The following DOCK2 variants were observed in gnomAD, a reference collection of about 807,000 sequenced individuals.
DOCK2 encodes dedicator of cytokinesis protein 2.
Under a neutral mutation model 248.9 loss-of-function variants are expected in DOCK2, and 87 were observed. The observed-to-expected ratio is 0.35, with a 90% CI of 0.29 to 0.42. DOCK2 has a LOEUF of 0.42. Among genes scored for constraint, DOCK2 ranks in the 10% least tolerant of loss-of-function variants. The pLI is 1.00. For synonymous variants in DOCK2, 805 were observed against 821.6 expected (o/e 0.98, Z 0.35); for missense variants, 1,747 against 2,300.2 (o/e 0.76, Z 4.92).
intron 27 of DOCK2, among the ~76,000 whole-genome samples, chr5:169,957,004 G>A (rs1279192177): frequency 6.6e-6 from 1 of 151,854 alleles, no homozygotes; most frequent in African/African-American, 2.4e-5. Flanking sequence ...CAATACAATG[G>A]TATCATTGTT....
Position 170,080,178 on chromosome 5 carries a change from G to A in DOCK2, c.5182G>A (p.Glu1728Lys). Residue 1728 changes from glutamate to lysine, a missense_variant, in exon 50 of 52, where the codon GAG (glutamate) becomes AAG (lysine). Coordinates refer to ENST00000520908, the MANE Select transcript of DOCK2 (RefSeq NM_004946.3). Reference sequence around the variant, plus strand: ...ATTCCTCCAGCTTTCCAGGAAGCATGAGTTCATGAGTGACACCAACCTCTC... The same window carrying A: ...ATTCCTCCAGCTTTCCAGGAAGCATAAGTTCATGAGTGACACCAACCTCTC... Reference protein sequence around the residue: ...SDLKRLSRKHEFMSDTNLSEH... With the variant: ...SDLKRLSRKHKFMSDTNLSEH... The A allele has an allele frequency of 6.2e-7, 1 of 1,614,090 alleles. No homozygotes were observed. Among genetic ancestry groups the A allele is most frequent in the African/African-American group, 1.3e-5 (1 of 75,020 alleles).
At chr5:169,723,684 C>T (rs73799364) in intron 22 of DOCK2, among the ~76,000 whole-genome samples, 3,426 of 152,238 alleles carry the variant, frequency 0.023, 146 homozygotes, top group African/African-American at 0.08. Context: ...ACTCCCTCAC[C>T]ATTTTTATAT....
At chr5:169,723,902 T>C (rs1277932585) in intron 22 of DOCK2, among the ~76,000 whole-genome samples, 1 of 152,204 alleles carries the variant, frequency 6.6e-6, no homozygotes, top group Non-Finnish European at 1.5e-5. Flanking sequence ...TTTTGTACTC[T>C]GTGGTACACT....
intron 27 of DOCK2, among the ~76,000 whole-genome samples, chr5:169,881,841 C>T (rs1246835971): frequency 2.0e-5 from 3 of 152,202 alleles, no homozygotes; most frequent in Non-Finnish European, 4.4e-5. Context: ...TGACTTCTCT[C>T]TCCTACTGTT....
At chr5:169,928,750 G>A (rs1342987216) in intron 27 of DOCK2, among the ~76,000 whole-genome samples, 1 of 152,200 alleles carries the variant, frequency 6.6e-6, no homozygotes, top group Non-Finnish European at 1.5e-5. Flanking sequence ...AGTTATACAG[G>A]AATGAGTGGG....
At chr5:169,978,330 C>A (rs1214052621) in intron 27 of DOCK2, among the ~76,000 whole-genome samples, 1 of 136,122 alleles carries the variant, frequency 7.3e-6, no homozygotes, top group Non-Finnish European at 1.5e-5. Flanking sequence ...AACTGGTAGC[C>A]TTTCCCTCAG....
intron 25 of DOCK2, among the ~76,000 whole-genome samples, chr5:169,770,037 C>G (rs752279761): frequency 1.3e-5 from 2 of 152,146 alleles, no homozygotes; most frequent in Non-Finnish European, 2.9e-5. Flanking sequence ...GCCAGTGTCC[C>G]TTTAAGAAAA....
At chr5:170,074,016 G>C (rs1757762281) in intron 46 of DOCK2, among the ~76,000 whole-genome samples, 2 of 151,854 alleles carry the variant, frequency 1.3e-5, no homozygotes. Context: ...CTAATATCTT[G>C]AGATGGATGC....
At chr5:169,865,766 A>G (rs1194154289) in intron 27 of DOCK2, among the ~76,000 whole-genome samples, 2 of 152,220 alleles carry the variant, frequency 1.3e-5, no homozygotes, top group African/African-American at 2.4e-5. Flanking sequence ...GAAATGTTGC[A>G]TCTGGGAGAC....
chr5:169,804,396 G>A (rs1272123150), intron 26 of DOCK2, among the ~76,000 whole-genome samples: 4 of 151,070 alleles, frequency 2.6e-5, no homozygotes, highest in African/African-American at 9.8e-5. Flanking sequence ...AATATATAAC[G>A]ACTAAAATCT....
intron 32 of DOCK2, among the ~76,000 whole-genome samples, chr5:170,009,604 G>A (rs931946930): frequency 6.6e-6 from 1 of 152,124 alleles, no homozygotes; most frequent in Non-Finnish European, 1.5e-5. Flanking sequence ...AAATTGCTCT[G>A]CCCTGGGTGT....
At chr5:169,746,897 G>C (rs1408417751) in intron 22 of DOCK2, among the ~76,000 whole-genome samples, 1 of 151,932 alleles carries the variant, frequency 6.6e-6, no homozygotes, top group Admixed American at 6.5e-5. Flanking sequence ...AAGGCTTAAG[G>C]TAATAAGTTA....
chr5:169,959,994 T>G (rs552519805), intron 27 of DOCK2, among the ~76,000 whole-genome samples: 1 of 152,342 alleles, frequency 6.6e-6, no homozygotes, highest in Admixed American at 6.5e-5. Flanking sequence ...AATTCGACCA[T>G]GTAAAGCTAG....
At chr5:170,077,880 C>T (rs976634725) in intron 48 of DOCK2, 43 bp downstream of exon 48, 12 of 1,574,482 alleles carry the variant, frequency 7.6e-6, no homozygotes, top group Non-Finnish European at 8.7e-6. Context: ...CCCCTGCCTC[C>T]CTGGCTCTAT....
chr5:169,819,224 C>A (rs1768264082), intron 26 of DOCK2, among the ~76,000 whole-genome samples: 1 of 152,178 alleles, frequency 6.6e-6, no homozygotes, highest in Non-Finnish European at 1.5e-5. Flanking sequence ...GAAGGAGAAT[C>A]ACTTGAACCT....
chr5:169,784,125 AT>A (rs11296090), intron 25 of DOCK2, among the ~76,000 whole-genome samples: 77,736 of 150,472 alleles, frequency 0.52, 20,348 homozygotes, highest in East Asian at 0.78. Flanking sequence ...AATTTCATTG[AT>A]TTTTTTTTTT....
chr5:169,777,324 G>A (rs1207897388), intron 25 of DOCK2, among the ~76,000 whole-genome samples: 1 of 152,202 alleles, frequency 6.6e-6, no homozygotes, highest in African/African-American at 2.4e-5. Flanking sequence ...ATGGCAGGGG[G>A]TGTGTCTGTG....
chr5:169,991,179 A>T (rs919879315), intron 29 of DOCK2, among the ~76,000 whole-genome samples: 11 of 152,248 alleles, frequency 7.2e-5, no homozygotes, highest in African/African-American at 2.7e-4. Context: ...TGCACCTTCC[A>T]TTCCTGGGCC....
chr5:169,726,474 G>A (rs1486352419), intron 22 of DOCK2, among the ~76,000 whole-genome samples: 1 of 152,126 alleles, frequency 6.6e-6, no homozygotes, highest in Non-Finnish European at 1.5e-5. Context: ...CACTCTGATG[G>A]TAGTTTCTTT....
Sources: allele counts gnomAD v4.1 joint callset (sites outside exome capture counted in the v4.1 genomes callset), GRCh38; gene constraint gnomAD v4.1.1; transcripts MANE v1.5; gene names NCBI Gene and HGNC (gene_info 2026-07-23, HGNC 2026-07-21).